Variants in PCP4 observed in about 807,000 individuals in gnomAD.
The protein encoded by PCP4 is Purkinje cell protein 4.
In PCP4, 8 loss-of-function variants were observed where a neutral mutation model predicts 10.0. The ratio of observed to expected loss-of-function variants is 0.80; its 90% confidence interval spans 0.47 to 1.45. The LOEUF (loss-of-function observed/expected upper bound fraction) is 1.45. Among genes scored for constraint, PCP4 ranks in the 40% most tolerant of loss-of-function variants. The pLI is 0.00. For synonymous variants in PCP4, 21 were observed against 23.0 expected (o/e 0.91, Z 0.24); for missense variants, 54 against 74.4 (o/e 0.73, Z 1.01).
intron 2 of PCP4, among the ~76,000 whole-genome samples, chr21:39,903,992 A>G (rs2087494843): frequency 1.3e-5 from 2 of 152,084 alleles, no homozygotes. Context: ...TTTTAAATCA[A>G]TCCCAAACCA....
chr21:39,897,723 A>G (rs1033805107), intron 1 of PCP4, among the ~76,000 whole-genome samples: 2 of 152,158 alleles, frequency 1.3e-5, no homozygotes, highest in East Asian at 3.9e-4. Context: ...GAAACATAAG[A>G]GTTTCTTAGT....
intron 1 of PCP4, among the ~76,000 whole-genome samples, chr21:39,884,800 AAGAGAG>A (rs3988433): frequency 2.7e-5 from 4 of 149,014 alleles, no homozygotes; most frequent in African/African-American, 4.9e-5. Context: ...CCGTCTTAAA[AAGAGAG>A]AGAGAGAGAG....
At chr21:39,897,832 G>A (rs2087464226) in intron 1 of PCP4, among the ~76,000 whole-genome samples, 1 of 151,988 alleles carries the variant, frequency 6.6e-6, no homozygotes, top group African/African-American at 2.4e-5. Context: ...GGATTATGAG[G>A]TCAGGAGATC....
Position 39,929,215 on chromosome 21 carries a change from C to G in PCP4, c.*104C>G. On this transcript the variant is annotated 3_prime_UTR_variant, in exon 3 of 3. Transcript: ENST00000328619. ...TAGAGAGAAGTCATCCACACACAAT[C>G]CACACACGCATAGCAAACCTCCAAT... 1 of 1,133,496 alleles carries G rather than the reference C, an allele frequency of 8.8e-7. No individual in the cohort carries two copies. Among genetic ancestry groups the G allele is most frequent in the Non-Finnish European group, 1.3e-6 (1 of 794,030 alleles). 70.2% of individuals were successfully genotyped at this position (1,133,496 alleles called of 1,614,324 possible).
At chr21:39,903,280 G>A (rs575741188) in intron 2 of PCP4, among the ~76,000 whole-genome samples, 116 of 152,296 alleles carry the variant, frequency 7.6e-4, no homozygotes, top group Admixed American at 5.9e-4. Context: ...TTGACTTAGC[G>A]AGCTGTGATG....
intron 1 of PCP4, among the ~76,000 whole-genome samples, chr21:39,887,526 T>G (rs193017584): frequency 6.6e-6 from 1 of 152,304 alleles, no homozygotes; most frequent in African/African-American, 2.4e-5. Flanking sequence ...TCACAAAATG[T>G]AGGCATAAAA....
chr21:39,895,887 AC>A (rs760284999), intron 1 of PCP4, among the ~76,000 whole-genome samples: 10 of 152,164 alleles, frequency 6.6e-5, no homozygotes, highest in Non-Finnish European at 1.5e-4. Flanking sequence ...CTGCCCTCAG[AC>A]CTCCATTGAA....
At chr21:39,928,934 C>T (rs1362003261) in intron 2 of PCP4, 50 bp from the exon 3 acceptor site, 8 of 1,588,724 alleles carry the variant, frequency 5.0e-6, no homozygotes, top group Non-Finnish European at 6.9e-6. Flanking sequence ...TGTCTGCTTT[C>T]CTATTTTCAG....
At chr21:39,901,349 C>G (rs546515049) in intron 2 of PCP4, among the ~76,000 whole-genome samples, 1 of 152,356 alleles carries the variant, frequency 6.6e-6, no homozygotes, top group South Asian at 2.1e-4. Flanking sequence ...CTCAGCATGT[C>G]TCATGTCATG....
At chr21:39,869,962 C>T (rs2087311988) in intron 1 of PCP4, among the ~76,000 whole-genome samples, 1 of 152,220 alleles carries the variant, frequency 6.6e-6, no homozygotes, top group African/African-American at 2.4e-5. Context: ...GCCAATAGTG[C>T]CTGCTGCAGT....
intron 1 of PCP4, among the ~76,000 whole-genome samples, chr21:39,879,426 A>G (rs1231795365): frequency 6.6e-6 from 1 of 152,200 alleles, no homozygotes; most frequent in Non-Finnish European, 1.5e-5. Flanking sequence ...CTCAGGCACT[A>G]TTCTATGAAT....
At chr21:39,868,483 A>G (rs1339106641) in intron 1 of PCP4, among the ~76,000 whole-genome samples, 1 of 152,210 alleles carries the variant, frequency 6.6e-6, no homozygotes, top group Non-Finnish European at 1.5e-5. Flanking sequence ...GCAAAGCACT[A>G]TAAAACTTAG....
At chr21:39,896,033 C>T (rs191372403) in intron 1 of PCP4, among the ~76,000 whole-genome samples, 421 of 152,194 alleles carry the variant, frequency 2.8e-3, no homozygotes, top group African/African-American at 9.7e-3. Context: ...ATTGTGTCTC[C>T]GTTAAATAGA....
In PCP4 at chr21:39,911,481, G is replaced by T. The variant is rs891574773; in HGVS notation, c.61+12954G>T. Among the ~76,000 whole-genome samples, 4 of 152,324 alleles carry T rather than the reference G, an allele frequency of 2.6e-5. No individual in the cohort carries two copies. The East Asian group carries it at 7.7e-4, about 29-fold the overall frequency. On this transcript the variant is annotated intron_variant, in intron 2 of 2. Transcript: ENST00000328619. ...CGACAGAAACACAAAAGAAGTGGGTGCCTCCCTCTGGTGGCAATTGGCATA... is the reference window on the plus strand; with the variant it reads ...CGACAGAAACACAAAAGAAGTGGGTTCCTCCCTCTGGTGGCAATTGGCATA...
In PCP4 at chr21:39,890,275, T is replaced by C. The variant is rs138488267; in HGVS notation, c.10-8201T>C. On this transcript the variant is annotated intron_variant, in intron 1 of 2. Transcript: ENST00000328619. ...GGGAGACATAGTGACTAGAGTTGGATTGAGCCACACTGAAGCCCAAGACAG... is the reference window on the plus strand; with the variant it reads ...GGGAGACATAGTGACTAGAGTTGGACTGAGCCACACTGAAGCCCAAGACAG... 1.4e-3 allele frequency among the ~76,000 whole-genome samples: 218 copies of C among 152,352 alleles called. 2 individuals carry two copies. The highest frequency in any genetic ancestry group is 5.1e-3 in the African/African-American group (211 of 41,582).
intron 1 of PCP4, among the ~76,000 whole-genome samples, chr21:39,882,101 T>G (rs2087378782): frequency 1.3e-5 from 2 of 152,240 alleles, no homozygotes; most frequent in Admixed American, 6.5e-5. Context: ...CAGAGCCTTG[T>G]GACTTGGTGC....
chr21:39,917,329 C>T (rs2087573849), intron 2 of PCP4, among the ~76,000 whole-genome samples: 1 of 152,180 alleles, frequency 6.6e-6, no homozygotes, highest in African/African-American at 2.4e-5. Context: ...TGGGATCTTC[C>T]TGTGGTTGGC....
At chr21:39,899,122 G>A (rs1683026806) in intron 2 of PCP4, among the ~76,000 whole-genome samples, 1 of 152,188 alleles carries the variant, frequency 6.6e-6, no homozygotes, top group Non-Finnish European at 1.5e-5. Flanking sequence ...ATCAGGAAAT[G>A]GAGGCTTGGC....
At chr21:39,872,478 G>A (rs1455908751) in intron 1 of PCP4, among the ~76,000 whole-genome samples, 1 of 152,132 alleles carries the variant, frequency 6.6e-6, no homozygotes, top group Non-Finnish European at 1.5e-5. Flanking sequence ...AATTTAAAAT[G>A]ACTTTCTAGA....
Sources: gnomAD v4.1 joint callset for allele counts (sites outside exome capture counted in the v4.1 genomes callset) on GRCh38, gnomAD v4.1.1 for gene constraint, MANE v1.5 for transcripts, NCBI Gene and HGNC (gene_info 2026-07-23, HGNC 2026-07-21) for gene names.